SCAMP1: variants seen among roughly 807,000 people sequenced by gnomAD.
SCAMP1 encodes secretory carrier membrane protein 1, also known as secretory carrier-associated membrane protein 1.
Under a neutral mutation model 41.8 loss-of-function variants are expected in SCAMP1, and 15 were observed. That is an observed-to-expected ratio of 0.36 (90% CI 0.24 to 0.55). The LOEUF (loss-of-function observed/expected upper bound fraction) is 0.55. SCAMP1 is among the 20% of genes least tolerant of loss of function. SCAMP1 has a pLI of 0.86. For missense variants in SCAMP1, 341 were observed against 412.6 expected, an observed-to-expected ratio of 0.83 and a Z score of 1.50; for synonymous variants, 135 against 136.8, an observed-to-expected ratio of 0.99 and a Z score of 0.09.
intron 1 of SCAMP1, among the ~76,000 whole-genome samples, chr5:78,387,556 T>G (rs1225158708): frequency 6.6e-6 from 1 of 151,744 alleles, no homozygotes; most frequent in Non-Finnish European, 1.5e-5. Context: ...ACTGGAATTG[T>G]TTTTTTTGTT....
intron 6 of SCAMP1, among the ~76,000 whole-genome samples, chr5:78,447,360 C>CT (rs35558340): frequency 0.45 from 68,514 of 151,810 alleles, 16,237 homozygotes; most frequent in Non-Finnish European, 0.5. Flanking sequence ...AATTTGAAGA[C>CT]TTACTAGAAA....
At chr5:78,443,853 A>G (rs1364112245) in intron 6 of SCAMP1, among the ~76,000 whole-genome samples, 1 of 151,800 alleles carries the variant, frequency 6.6e-6, no homozygotes, top group African/African-American at 2.4e-5. Flanking sequence ...ATGAGGTCTT[A>G]CTGTATTGCC....
chr5:78,373,992 C>A (rs1751006591), intron 1 of SCAMP1, among the ~76,000 whole-genome samples: 1 of 151,928 alleles, frequency 6.6e-6, no homozygotes, highest in African/African-American at 2.4e-5. Context: ...TTAAAGTGGA[C>A]CAAACTCAAT....
chr5:78,413,463 G>A (rs1752132199), intron 2 of SCAMP1, among the ~76,000 whole-genome samples: 1 of 144,248 alleles, frequency 6.9e-6, no homozygotes, highest in Non-Finnish European at 1.5e-5. Context: ...TGTAGCCCAA[G>A]TTGGAGTGCA....
At chr5:78,425,035 G>A (rs1304831756) in intron 6 of SCAMP1, among the ~76,000 whole-genome samples, 1 of 152,180 alleles carries the variant, frequency 6.6e-6, no homozygotes, top group African/African-American at 2.4e-5. Context: ...GATAATGTAT[G>A]CAAGTTTTGC....
chr5:78,417,062 T>C (rs2112139411), intron 4 of SCAMP1, among the ~76,000 whole-genome samples: 1 of 152,340 alleles, frequency 6.6e-6, no homozygotes, highest in Non-Finnish European at 1.5e-5. Context: ...TCGCAAGTAT[T>C]TTGTCAAATC....
chr5:78,462,851 T>G (rs1753650666), intron 8 of SCAMP1, among the ~76,000 whole-genome samples: 2 of 152,222 alleles, frequency 1.3e-5, no homozygotes. Context: ...TTTATATGTA[T>G]TCAAACATGA....
At chr5:78,387,390 G>A (rs963429619) in intron 1 of SCAMP1, among the ~76,000 whole-genome samples, 14 of 127,384 alleles carry the variant, frequency 1.1e-4, no homozygotes, top group African/African-American at 3.8e-4. Flanking sequence ...ATTTCTTTAA[G>A]TTGGCCTTTA....
intron 2 of SCAMP1, among the ~76,000 whole-genome samples, chr5:78,410,351 A>G (rs751887555): frequency 6.7e-6 from 1 of 149,810 alleles, no homozygotes; most frequent in Non-Finnish European, 1.5e-5. Flanking sequence ...CCATGTGTCC[A>G]TGTGTTCTCA....
At chr5:78,440,471 G>A (rs573147359) in intron 6 of SCAMP1, among the ~76,000 whole-genome samples, 1 of 152,280 alleles carries the variant, frequency 6.6e-6, no homozygotes, top group South Asian at 2.1e-4. Flanking sequence ...TTTGCTGGAG[G>A]TCCACTCCAG....
chr5:78,462,191 G>GT (rs781394888), intron 8 of SCAMP1, among the ~76,000 whole-genome samples: 1 of 124,540 alleles, frequency 8.0e-6, no homozygotes, highest in Non-Finnish European at 1.6e-5. Context: ...CTGGATGTGT[G>GT]TAGGAGTGTG....
At chr5:78,449,883 TTCTC>T (rs1753173461) in intron 6 of SCAMP1, 46 bp from the exon 7 acceptor site, 2 of 1,003,086 alleles carry the variant, frequency 2.0e-6, no homozygotes, top group Non-Finnish European at 2.9e-6. Flanking sequence ...TTCCCCTTCT[TTCTC>T]TCCCCCTAAC....
At chr5:78,469,929 AAAAC>A (rs1753842542) in intron 8 of SCAMP1, among the ~76,000 whole-genome samples, 1 of 20,316 alleles carries the variant, frequency 4.9e-5, no homozygotes, top group African/African-American at 3.0e-4. Context: ...AAAAAAAAAA[AAAAC>A]AACAACACAG....
At chr5:78,442,153 T>A (rs958595824) in intron 6 of SCAMP1, among the ~76,000 whole-genome samples, 2 of 152,104 alleles carry the variant, frequency 1.3e-5, no homozygotes, top group African/African-American at 4.8e-5. Flanking sequence ...AAAAGCATGA[T>A]AAATAGTTTC....
chr5:78,380,745 T>G (rs1580649316), intron 1 of SCAMP1, among the ~76,000 whole-genome samples: 2 of 152,276 alleles, frequency 1.3e-5, no homozygotes, highest in Middle Eastern at 3.4e-3. Flanking sequence ...AGATCACTGA[T>G]CACAGATCAC....
chr5:78,417,647 A>C lies in SCAMP1; in HGVS notation c.343+998A>C, dbSNP rs1018062397. 3.9e-5 allele frequency among the ~76,000 whole-genome samples: 6 copies of C among 152,176 alleles called. 1 individual carries two copies. In the South Asian group the frequency reaches 1.2e-3, roughly 31 times the overall value. The stretch of plus-strand genomic sequence containing the variant: ...TCCTGTGAGGGGTGATAGAGTTTTT[A>C]TTCTCATTTTACAGATATGGAAACT... On this transcript the variant is annotated intron_variant, in intron 4 of 8. Coordinates refer to ENST00000621999, the MANE Select transcript of SCAMP1 (RefSeq NM_004866.6).
chr5:78,432,601 A>G (rs1752650582), intron 6 of SCAMP1, among the ~76,000 whole-genome samples: 2 of 151,782 alleles, frequency 1.3e-5, no homozygotes, highest in Non-Finnish European at 2.9e-5. Context: ...TTCTGTATTT[A>G]GTGTGTCTTG....
intron 6 of SCAMP1, among the ~76,000 whole-genome samples, chr5:78,449,706 T>TA (rs1389310574): frequency 1.3e-5 from 2 of 152,322 alleles, no homozygotes; most frequent in Middle Eastern, 3.4e-3. Context: ...TTTGTCCTTG[T>TA]GAGGTTAGAA....
intron 6 of SCAMP1, among the ~76,000 whole-genome samples, chr5:78,431,672 T>C (rs1412620909): frequency 6.6e-6 from 1 of 151,872 alleles, no homozygotes; most frequent in African/African-American, 2.4e-5. Context: ...TCATAGTCTC[T>C]GTATTCAAAT....
Sources: gnomAD v4.1 joint callset for allele counts (sites outside exome capture counted in the v4.1 genomes callset) on GRCh38, gnomAD v4.1.1 for gene constraint, MANE v1.5 for transcripts, NCBI Gene and HGNC (gene_info 2026-07-23, HGNC 2026-07-21) for gene names.